The following TMEM131 variants were observed in gnomAD, a reference collection of about 807,000 sequenced individuals.
TMEM131 encodes the protein 2610524E03Rik.
A neutral mutation model predicts 211.6 loss-of-function variants in TMEM131; 66 were observed. The observed-to-expected ratio is 0.31, with a 90% CI of 0.26 to 0.38. The LOEUF is 0.38. Ranked by LOEUF, TMEM131 falls within the 10% of genes least tolerant of loss-of-function variation. The probability of loss-of-function intolerance (pLI) is 1.00; values close to 1 mark genes in which losing one functional copy is unlikely to be tolerated. For synonymous variants in TMEM131, 844 were observed against 841.3 expected, an observed-to-expected ratio of 1.00 and a Z score of -0.06; for missense variants, 2,036 against 2,299.3, an observed-to-expected ratio of 0.89 and a Z score of 2.34.
At chr2:97,767,558 C>G (rs114302482) in intron 33 of TMEM131, among the ~76,000 whole-genome samples, 4,447 of 152,298 alleles carry the variant, frequency 0.029, 81 homozygotes, top group Middle Eastern at 0.065. Context: ...AGATGCAGCT[C>G]AGAGAGCCCA....
intron 2 of TMEM131, among the ~76,000 whole-genome samples, chr2:97,910,701 T>C (rs2104378593): frequency 6.6e-6 from 1 of 152,346 alleles, no homozygotes; most frequent in Admixed American, 6.5e-5. Flanking sequence ...TTGATTTGCA[T>C]TTCTCTAATG....
intron 4 of TMEM131, among the ~76,000 whole-genome samples, chr2:97,877,515 C>T (rs1674748303): frequency 6.6e-6 from 1 of 152,116 alleles, no homozygotes; most frequent in Non-Finnish European, 1.5e-5. Flanking sequence ...GATATATAGA[C>T]CAACGGAACA....
intron 1 of TMEM131, among the ~76,000 whole-genome samples, chr2:97,932,177 A>C (rs1677252623): frequency 6.6e-6 from 1 of 151,748 alleles, no homozygotes; most frequent in Admixed American, 6.6e-5. Context: ...CTATTTTAGA[A>C]TTCAACATTG....
chr2:97,966,086 CA>C (rs1298468246), intron 1 of TMEM131, among the ~76,000 whole-genome samples: 1 of 151,268 alleles, frequency 6.6e-6, no homozygotes, highest in Non-Finnish European at 1.5e-5. Flanking sequence ...ATCATTTTGA[CA>C]GGGGTATATT....
chr2:97,918,926 C>T (rs1676623747), intron 2 of TMEM131, among the ~76,000 whole-genome samples: 1 of 152,148 alleles, frequency 6.6e-6, no homozygotes, highest in Non-Finnish European at 1.5e-5. Context: ...TCTGAAAGTT[C>T]AAATGTGTTG....
intron 3 of TMEM131, among the ~76,000 whole-genome samples, chr2:97,892,436 C>T (rs1250553843): frequency 6.6e-6 from 1 of 152,168 alleles, no homozygotes; most frequent in Non-Finnish European, 1.5e-5. Context: ...TCATGGGTCA[C>T]TGCAGCCTTG....
In TMEM131 at chr2:97,890,170, C is replaced by CA. The variant is rs549398213; in HGVS notation, c.291-2051dup. On this transcript the variant is annotated intron_variant, in intron 3 of 40. Coordinates refer to ENST00000186436, the MANE Select transcript of TMEM131 (RefSeq NM_015348.2). ...GGAGTATAGATTATTCAAAGTGTAA[C>CA]AAACTACAGTGTTTTTGAGCAAGGA... Among the ~76,000 whole-genome samples, 8 of 152,312 alleles carry CA rather than the reference C, an allele frequency of 5.3e-5. No individual in the cohort carries two copies. In the East Asian group the frequency reaches 1.5e-3, roughly 29 times the overall value.
chr2:97,819,222 T>A (rs1464830353), intron 11 of TMEM131, among the ~76,000 whole-genome samples: 1 of 152,206 alleles, frequency 6.6e-6, no homozygotes, highest in African/African-American at 2.4e-5. Context: ...TAGACATGGC[T>A]CTGCGAGTGA....
intron 4 of TMEM131, among the ~76,000 whole-genome samples, chr2:97,861,836 G>C (rs982614191): frequency 6.6e-6 from 1 of 152,176 alleles, no homozygotes; most frequent in African/African-American, 2.4e-5. Flanking sequence ...AACCTGGCTG[G>C]CTTCACTATC....
chr2:97,987,450 C>A (rs1410019767), intron 1 of TMEM131, among the ~76,000 whole-genome samples: 1 of 152,094 alleles, frequency 6.6e-6, no homozygotes, highest in Non-Finnish European at 1.5e-5. Context: ...CTGCAGTAAG[C>A]TGAGATCGCA....
chr2:97,806,267 T>G (rs1234768095), intron 19 of TMEM131, among the ~76,000 whole-genome samples: 1 of 152,238 alleles, frequency 6.6e-6, no homozygotes, highest in Non-Finnish European at 1.5e-5. Flanking sequence ...CTGGGCACAG[T>G]GGCTCATGCC....
At chr2:97,987,429 G>A (rs1459135205) in intron 1 of TMEM131, among the ~76,000 whole-genome samples, 1 of 152,064 alleles carries the variant, frequency 6.6e-6, no homozygotes, top group Non-Finnish European at 1.5e-5. Context: ...CTTGAACCCG[G>A]GAGACAGAGG....
chr2:97,908,575 G>T, intron 3 of TMEM131, 83 bp downstream of exon 3: 2 of 987,450 alleles, frequency 2.0e-6, no homozygotes, highest in Non-Finnish European at 3.1e-6. Flanking sequence ...ACCAAAATGA[G>T]CAAGGGGAAA....
At chr2:97,852,581 C>T (rs1673671897) in intron 5 of TMEM131, among the ~76,000 whole-genome samples, 1 of 152,216 alleles carries the variant, frequency 6.6e-6, no homozygotes, top group African/African-American at 2.4e-5. Context: ...GGGATCGATT[C>T]ATGAGGTTTA....
At chr2:97,786,010 A>G (rs935041674) in intron 31 of TMEM131, among the ~76,000 whole-genome samples, 1 of 152,180 alleles carries the variant, frequency 6.6e-6, no homozygotes, top group African/African-American at 2.4e-5. Context: ...TTGCCAGACT[A>G]AGGGGTAGGC....
At chr2:97,864,500 A>C (rs1430177836) in intron 4 of TMEM131, among the ~76,000 whole-genome samples, 1 of 152,202 alleles carries the variant, frequency 6.6e-6, no homozygotes, top group Non-Finnish European at 1.5e-5. Context: ...CCATAAATAT[A>C]TATATCTACT....
intron 31 of TMEM131, among the ~76,000 whole-genome samples, chr2:97,791,101 CAGAA>C (rs765232191): frequency 2.6e-5 from 4 of 152,172 alleles, no homozygotes; most frequent in Non-Finnish European, 5.9e-5. Context: ...TGCCACAAGA[CAGAA>C]AGGAAGATGC....
At chr2:97,784,658 T>C (rs1017837721) in intron 31 of TMEM131, among the ~76,000 whole-genome samples, 2 of 152,096 alleles carry the variant, frequency 1.3e-5, no homozygotes, top group African/African-American at 4.8e-5. Flanking sequence ...GGGAAAGTCC[T>C]GTATTAACAA....
intron 2 of TMEM131, among the ~76,000 whole-genome samples, chr2:97,926,924 C>A (rs558933838): frequency 1.3e-5 from 2 of 152,172 alleles, no homozygotes; most frequent in Admixed American, 1.3e-4. Context: ...CCATCCAGAT[C>A]CTATAAACAA....
Sources: allele counts gnomAD v4.1 joint callset (sites outside exome capture counted in the v4.1 genomes callset), GRCh38; gene constraint gnomAD v4.1.1; transcripts MANE v1.5; gene names NCBI Gene and HGNC (gene_info 2026-07-23, HGNC 2026-07-21).